CCDC88C: variants seen among roughly 807,000 people sequenced by gnomAD.
The protein encoded by CCDC88C is protein Daple.
Under a neutral mutation model 198.8 loss-of-function variants are expected in CCDC88C, and 131 were observed. That is an observed-to-expected ratio of 0.66 (90% CI 0.57 to 0.76). CCDC88C has a LOEUF of 0.76. Ranked by LOEUF, CCDC88C falls within the 30% of genes least tolerant of loss-of-function variation. The pLI is 0.00. For missense variants in CCDC88C, 2,553 were observed against 2,631.6 expected (o/e 0.97, Z 0.65); for synonymous variants, 1,166 against 1,114.7 (o/e 1.05, Z -0.92).
At position 91,275,016 on chromosome 14, in the gene CCDC88C, C is replaced by A. The variant is rs567733011; in HGVS notation, c.5059-1363G>T. ...TGACATGCCCTCCCTGCATCATCGACGCCCAGAGAGTGGGGGCGCGGTGGG... is the reference window on the plus strand; with the variant it reads ...TGACATGCCCTCCCTGCATCATCGAAGCCCAGAGAGTGGGGGCGCGGTGGG... On this transcript the variant is annotated intron_variant, in intron 29 of 29. Coordinates refer to ENST00000389857, the MANE Select transcript of CCDC88C (RefSeq NM_001080414.4). Among the ~76,000 whole-genome samples the A allele has an allele frequency of 6.4e-4, 98 of 152,244 alleles. 1 individual carries two copies. Among genetic ancestry groups the A allele is most frequent in the African/African-American group, 2.3e-3 (97 of 41,530 alleles).
rs1892063505 is a variant in CCDC88C, at chr14:91,315,680, C to T, written c.1635G>A (p.Met545Ile). Reference protein sequence around the residue: ...IREKEQLQSDMETLKADKARQ... With the variant: ...IREKEQLQSDIETLKADKARQ... ...TGGCTTTGTCAGCCTTCAGGGTCTCCATGTCACTCTGCAGCTGCTCCTTCT... is the reference window on the plus strand; with the variant it reads ...TGGCTTTGTCAGCCTTCAGGGTCTCTATGTCACTCTGCAGCTGCTCCTTCT... Residue 545 changes from methionine (M) to isoleucine (I), a missense_variant, in exon 14 of 30, where the codon ATG becomes ATA. Physicochemically the swap from Met to Ile is conservative, Grantham distance 10 (BLOSUM62 1). This residue lies in a region of CCDC88C where 1,260 missense variants were observed against 1,412.0 expected (regional missense o/e 0.89). Coordinates refer to ENST00000389857, the MANE Select transcript of CCDC88C (RefSeq NM_001080414.4). The T allele has an allele frequency of 1.9e-6, 3 of 1,613,840 alleles. No individual in the cohort carries two copies. In the African/African-American group the frequency reaches 4.0e-5, roughly 22 times the overall value.
chr14:91,323,371 T>C (rs1392995829), intron 12 of CCDC88C, among the ~76,000 whole-genome samples: 2 of 152,148 alleles, frequency 1.3e-5, no homozygotes, highest in Non-Finnish European at 1.5e-5. Flanking sequence ...CTCACAGTCA[T>C]CTTGTGAGGC....
intron 10 of CCDC88C, among the ~76,000 whole-genome samples, chr14:91,335,630 C>T (rs74084746): frequency 0.02 from 3,085 of 152,294 alleles, 110 homozygotes; most frequent in African/African-American, 0.07. Context: ...TGCCTGCTTC[C>T]CTCCCCAGAG....
At chr14:91,292,430 G>A (rs1006801823) in intron 23 of CCDC88C, among the ~76,000 whole-genome samples, 3 of 152,138 alleles carry the variant, frequency 2.0e-5, no homozygotes, top group African/African-American at 2.4e-5. Flanking sequence ...CTCTGCTGGC[G>A]ATATTTTATC....
intron 29 of CCDC88C, among the ~76,000 whole-genome samples, chr14:91,275,091 G>A (rs1197986981): frequency 6.6e-6 from 1 of 152,212 alleles, no homozygotes; most frequent in East Asian, 1.9e-4. Flanking sequence ...TACATTAGGG[G>A]CCTTGTGTGT....
chr14:91,291,643 T>C lies in CCDC88C; in HGVS notation c.4113-559A>G, dbSNP rs190955669. Among the ~76,000 whole-genome samples, 277 of 152,234 alleles carry C rather than the reference T, an allele frequency of 1.8e-3. 4 individuals are homozygous for C. The highest frequency in any genetic ancestry group is 1.9e-3 in the Non-Finnish European group (129 of 67,992). On this transcript the variant is annotated intron_variant, in intron 23 of 29. Coordinates refer to ENST00000389857, the MANE Select transcript of CCDC88C (RefSeq NM_001080414.4). ...AGAAACCAGGGGCGCTAGTGGGGAC[T>C]GCAGTGAGCCCCTGTGCTGCCATCT...
intron 3 of CCDC88C, among the ~76,000 whole-genome samples, chr14:91,393,989 T>C (rs1317177504): frequency 6.6e-6 from 1 of 152,168 alleles, no homozygotes; most frequent in South Asian, 2.1e-4. Flanking sequence ...GTCCTTTAAG[T>C]AGCCACAATT....
At position 91,313,170 on chromosome 14, in the gene CCDC88C, T is replaced by TGC. The variant is rs1162627328; in HGVS notation, c.2644_2645dup (p.Ala883GlnfsTer5). The stretch of plus-strand genomic sequence containing the variant: ...TCTCCAGCTCCTTCAGCTTGCCGGC[T>TGC]GCGTCCCTGCAGCGGGCCAGCTCCT... On this transcript the variant is annotated frameshift_variant, in exon 15 of 30. Transcript: ENST00000389857. LOFTEE classifies it high-confidence loss of function. The surrounding 1 kb of genome is among the most constrained non-coding windows in gnomAD (Gnocchi z 5.2). 1 of 1,612,042 alleles carries TGC rather than the reference T, an allele frequency of 6.2e-7. No homozygotes were observed. Among genetic ancestry groups the TGC allele is most frequent in the Non-Finnish European group, 8.5e-7 (1 of 1,178,622 alleles).
chr14:91,298,802 C>G (rs1391269413), intron 21 of CCDC88C, among the ~76,000 whole-genome samples: 3 of 152,116 alleles, frequency 2.0e-5, no homozygotes, highest in Non-Finnish European at 4.4e-5. Flanking sequence ...TTTCTAACCC[C>G]CCGTATACAC....
intron 3 of CCDC88C, among the ~76,000 whole-genome samples, chr14:91,392,766 C>T (rs947675518): frequency 1.3e-5 from 2 of 151,412 alleles, no homozygotes; most frequent in Non-Finnish European, 2.9e-5. Flanking sequence ...ACTCTCACCG[C>T]GCCCCTCACT....
At chr14:91,399,250 G>A (rs1419829445) in intron 3 of CCDC88C, among the ~76,000 whole-genome samples, 1 of 152,088 alleles carries the variant, frequency 6.6e-6, no homozygotes, top group Non-Finnish European at 1.5e-5. Flanking sequence ...CGACACCAGT[G>A]ACACCAAGCT....
chr14:91,339,206 A>C lies in CCDC88C; in HGVS notation c.809+72T>G. On this transcript the variant is annotated intron_variant, in intron 8 of 29. Transcript: ENST00000389857. This position sits in a 1 kb window ranked among gnomAD's most constrained non-coding sequence, Gnocchi z 5.8. ...AGCTGTGCCATTGGCAGCACCACAC[A>C]TGTGAGTCGACACCACACCAGAAAC... 2 of 1,549,410 alleles carry C rather than the reference A, an allele frequency of 1.3e-6. No individual in the cohort carries two copies. Among genetic ancestry groups the C allele is most frequent in the Non-Finnish European group, 1.8e-6 (2 of 1,135,238 alleles).
rs181407594 is a variant in CCDC88C at position 91,313,829 on chromosome 14, C to T, written c.1987G>A (p.Ala663Thr). ...AGGCCCTGGCTCTCATGCTCCAGGGCCTCGACTTTCTCGGTGGCTGTCTCC... is the reference window on the plus strand; with the variant it reads ...AGGCCCTGGCTCTCATGCTCCAGGGTCTCGACTTTCTCGGTGGCTGTCTCC... ...SLETATEKVE[A>T]LEHESQGLQL... The change falls in exon 15 of 30, where the codon GCC becomes ACC. Residue 663 changes from alanine to threonine, a missense_variant. Physicochemically the swap from Ala to Thr is moderately conservative, Grantham distance 58. Transcript: ENST00000389857. The surrounding 1 kb of genome is among the most constrained non-coding windows in gnomAD (Gnocchi z 5.2). The T allele has an allele frequency of 1.2e-6, 2 of 1,603,888 alleles. No individual in the cohort carries two copies. Among genetic ancestry groups the T allele is most frequent in the African/African-American group, 1.3e-5 (1 of 74,796 alleles).
rs1159893589 is a variant in CCDC88C, at chr14:91,272,627, A to G, written c.6085T>C (p.Ter2029ArgextTer5). 1 of 1,605,248 alleles carries G rather than the reference A, an allele frequency of 6.2e-7. No individual in the cohort carries two copies. Among genetic ancestry groups the G allele is most frequent in the Admixed American group, 1.7e-5 (1 of 59,430 alleles). The change falls in exon 30 of 30, where the codon TGA (stop) becomes CGA (arginine). Residue 2029 changes from the stop codon to arginine (R), a stop_lost. Transcript: ENST00000389857. ...TTGCGAGCTCAACCACGAGACAGTC[A>G]CACACAGCCGTACTCATACCACACG... is the stretch of plus-strand genomic sequence containing the variant. ...QTVWYEYGCV[*>R]
chr14:91,345,190 A>ATATATATT (rs1246878587), intron 4 of CCDC88C, among the ~76,000 whole-genome samples: 4 of 52,204 alleles, frequency 7.7e-5, no homozygotes, highest in Non-Finnish European at 1.4e-4. Flanking sequence ...ATATATATAT[A>ATATATATT]TTTTTTTTTT....
At chr14:91,359,735 A>G in intron 3 of CCDC88C, 24 bp from the exon 4 acceptor site, 2 of 1,595,320 alleles carry the variant, frequency 1.3e-6, no homozygotes, top group Non-Finnish European at 1.7e-6. Flanking sequence ...GGGGGAAAAG[A>G]TACCATTAAG....
intron 4 of CCDC88C, among the ~76,000 whole-genome samples, chr14:91,357,340 C>T (rs889719726): frequency 9.9e-5 from 15 of 152,258 alleles, no homozygotes; most frequent in African/African-American, 3.1e-4. Flanking sequence ...CAGCCTCGAC[C>T]TCCTGGGCTT....
intron 27 of CCDC88C, 33 bp from the exon 28 acceptor site, chr14:91,279,339 G>T: frequency 6.5e-7 from 1 of 1,548,336 alleles, no homozygotes; most frequent in Non-Finnish European, 8.8e-7. Flanking sequence ...AAATTAAAAA[G>T]CCAATGACCA....
chr14:91,298,462 G>C (rs1463823055), intron 21 of CCDC88C, among the ~76,000 whole-genome samples: 3 of 151,252 alleles, frequency 2.0e-5, no homozygotes, highest in Admixed American at 2.0e-4. Context: ...TAGGCCCAGG[G>C]AGTTAAGGCT....
Sources: allele counts gnomAD v4.1 joint callset (sites outside exome capture counted in the v4.1 genomes callset), GRCh38; gene constraint gnomAD v4.1.1; regional missense constraint gnomAD v4.1.1; non-coding constraint Gnocchi (gnomAD v3.1); transcripts MANE v1.5; gene names NCBI Gene and HGNC (gene_info 2026-07-23, HGNC 2026-07-21).